The following HACL1 variants were observed in gnomAD, a reference collection of about 807,000 sequenced individuals.
The protein encoded by HACL1 is 1600020H07Rik.
HACL1 carries 64 observed loss-of-function variants against 74.2 expected under a neutral mutation model. The observed-to-expected ratio is 0.86, with a 90% CI of 0.70 to 1.06. HACL1 has a LOEUF of 1.06. Among genes scored for constraint, HACL1 ranks in the 50% least tolerant of loss-of-function variants. HACL1 has a pLI of 0.00. For synonymous variants in HACL1, 230 were observed against 238.8 expected (o/e 0.96, Z 0.34); for missense variants, 728 against 719.7 (o/e 1.01, Z -0.13).
At chr3:15,582,856 T>A (rs367904161) in intron 8 of HACL1, 21 bp downstream of exon 8, 10 of 1,222,156 alleles carry the variant, frequency 8.2e-6, no homozygotes, top group Non-Finnish European at 1.2e-5. Flanking sequence ...CTAGCAAGAT[T>A]TAGAGTTCTA....
chr3:15,578,788 G>A (rs2063669808), intron 9 of HACL1, among the ~76,000 whole-genome samples: 1 of 152,130 alleles, frequency 6.6e-6, no homozygotes, highest in African/African-American at 2.4e-5. Context: ...AAGAGTATGG[G>A]GACAATCCCC....
intron 3 of HACL1, among the ~76,000 whole-genome samples, chr3:15,592,203 T>TATATGTATACATACGTATATATGTAC (rs1559561169): frequency 6.0e-5 from 9 of 149,926 alleles, no homozygotes; most frequent in Non-Finnish European, 1.2e-4. Context: ...TATATATGTA[T>TATATGTATACATACGTATATATGTAC]ACATGCGTGT....
At chr3:15,565,638 G>A (rs2063421257) in intron 14 of HACL1, among the ~76,000 whole-genome samples, 1 of 152,220 alleles carries the variant, frequency 6.6e-6, no homozygotes, top group Non-Finnish European at 1.5e-5. Context: ...ACTGCATACT[G>A]TTAAATAACA....
chr3:15,588,339 A>T (rs150284870), intron 5 of HACL1, among the ~76,000 whole-genome samples: 6,845 of 152,212 alleles, frequency 0.045, 301 homozygotes, highest in Admixed American at 0.13. Flanking sequence ...CACGCCTGTA[A>T]TCCCAGTACT....
intron 15 of HACL1, among the ~76,000 whole-genome samples, chr3:15,563,989 C>A (rs1234680095): frequency 6.6e-6 from 1 of 152,120 alleles, no homozygotes; most frequent in African/African-American, 2.4e-5. Flanking sequence ...AAAAAGATTA[C>A]TGCAAAACAA....
In HACL1 at chr3:15,573,068, C is replaced by A; in HGVS notation, c.993+91G>T. The A allele has an allele frequency of 3.9e-6, 3 of 760,416 alleles. No homozygotes were observed. In the Admixed American group the frequency reaches 5.8e-5, roughly 15 times the overall value. The allele number at this position is 760,416 out of a possible 1,614,324, so 47.1% of individuals were successfully genotyped here. A position where few individuals can be genotyped will look rare whatever the true frequency, so the allele number is the denominator to read the frequency against. The stretch of plus-strand genomic sequence containing the variant: ...GTTTAAAACAGATATGAATAGTAGA[C>A]CCGTTACCAAGTGAATCAAGATTAA... On this transcript the variant is annotated intron_variant, in intron 11 of 16. Transcript: ENST00000321169.
chr3:15,590,272 T>A (rs2063867654), intron 4 of HACL1, among the ~76,000 whole-genome samples: 1 of 151,974 alleles, frequency 6.6e-6, no homozygotes, highest in Non-Finnish European at 1.5e-5. Flanking sequence ...CCTAAGTGAA[T>A]CTATTTAGAA....
chr3:15,595,618 T>C (rs1574948500), intron 3 of HACL1, among the ~76,000 whole-genome samples: 1 of 143,852 alleles, frequency 7.0e-6, no homozygotes, highest in East Asian at 2.0e-4. Flanking sequence ...TTTTTTTTTT[T>C]TTTTTTTTTG....
intron 12 of HACL1, among the ~76,000 whole-genome samples, chr3:15,568,810 G>A (rs150045532): frequency 1.5e-3 from 227 of 152,268 alleles, no homozygotes; most frequent in African/African-American, 5.3e-3. Context: ...AAATAAGCTC[G>A]GGAATATCCC....
Position 15,571,722 on chromosome 3 carries a change from G to A in HACL1, c.1041C>T (p.Ser347=). 1 of 1,541,374 alleles carries A rather than the reference G, an allele frequency of 6.5e-7. No homozygotes were observed. The highest frequency in any genetic ancestry group is 8.9e-7 in the Non-Finnish European group (1 of 1,123,280). ...TTTCTCTCAGAGTTTTCCACCACTTGCTCTCTGGAGGATACTGCCATGGTG... is the reference window on the plus strand; with the variant it reads ...TTTCTCTCAGAGTTTTCCACCACTTACTCTCTGGAGGATACTGCCATGGTG... ...DKTPWQYPPE[S]KWWKTLREKM... The change falls in exon 12 of 17, where the codon AGC becomes AGT. Residue 347 remains serine (S), a synonymous_variant. Transcript: ENST00000321169.
At chr3:15,568,638 A>T in intron 12 of HACL1, 52 bp from the exon 13 acceptor site, 1 of 996,534 alleles carries the variant, frequency 1.0e-6, no homozygotes, top group Non-Finnish European at 1.5e-6. Context: ...CAATGAAAAT[A>T]ACCAATGTTA....
At chr3:15,570,755 A>G (rs1574913520) in intron 12 of HACL1, among the ~76,000 whole-genome samples, 1 of 152,144 alleles carries the variant, frequency 6.6e-6, no homozygotes, top group Non-Finnish European at 1.5e-5. Context: ...CCAAAACCTT[A>G]GCTACCAGGC....
chr3:15,562,243 ACC>A (rs2063356579), intron 16 of HACL1, among the ~76,000 whole-genome samples: 1 of 152,040 alleles, frequency 6.6e-6, no homozygotes, highest in Non-Finnish European at 1.5e-5. Flanking sequence ...AAAGTGGCAG[ACC>A]CTCCCTTAAA....
intron 14 of HACL1, among the ~76,000 whole-genome samples, chr3:15,566,655 TG>T (rs953206986): frequency 2.7e-5 from 4 of 150,142 alleles, no homozygotes; most frequent in African/African-American, 9.8e-5. Context: ...GACCCCATCT[TG>T]AAAAAAAAAA....
In HACL1 at chr3:15,571,687, C is replaced by G. The variant is rs768304495; in HGVS notation, c.1076G>C (p.Ser359Thr). ...WWKTLREKMKSNEAASKELAS... is the reference protein window; with the variant it reads ...WWKTLREKMKTNEAASKELAS... ...TTTTACCTTGGATGCAGCTTCATTG[C>G]TCTTCATTTTTTCTCTCAGAGTTTT... Residue 359 changes from serine (S) to threonine (T), a missense_variant, in exon 12 of 17, where the codon AGC (serine) becomes ACC (threonine). Physicochemically the swap from Ser to Thr is moderately conservative, Grantham distance 58 (BLOSUM62 1). Coordinates refer to ENST00000321169, the MANE Select transcript of HACL1 (RefSeq NM_012260.4). 1 of 1,473,306 alleles carries G rather than the reference C, an allele frequency of 6.8e-7. No homozygotes were observed. The highest frequency in any genetic ancestry group is 2.3e-5 in the East Asian group (1 of 44,236). The allele number at this position is 1,473,306 out of a possible 1,614,324, so 91.3% of individuals were successfully genotyped here.
At chr3:15,591,707 A>C in intron 3 of HACL1, 27 bp from the exon 4 acceptor site, 8 of 1,473,782 alleles carry the variant, frequency 5.4e-6, no homozygotes, top group Non-Finnish European at 7.6e-6. Context: ...ATTTATTAAA[A>C]TCAGGTCAAA....
At chr3:15,560,974 C>T in intron 16 of HACL1, 77 bp from the exon 17 acceptor site, 2 of 1,126,820 alleles carry the variant, frequency 1.8e-6, no homozygotes, top group Non-Finnish European at 2.7e-6. Context: ...TTCACTTGTT[C>T]TAAAACCTAA....
At chr3:15,573,746 G>T (rs894520631) in intron 10 of HACL1, among the ~76,000 whole-genome samples, 1 of 152,186 alleles carries the variant, frequency 6.6e-6, no homozygotes, top group East Asian at 1.9e-4. Context: ...GTGCTGATGC[G>T]CCTGGCCCAG....
At position 15,571,832 on chromosome 3, in the gene HACL1, T is replaced by TTC. The variant is rs1461530887; in HGVS notation, c.994-64_994-63insGA. 9.1e-6 allele frequency: 3 copies of TTC among 330,182 alleles called. No individual in the cohort carries two copies. The African/African-American group carries it at 1.2e-4, about 13-fold the overall frequency. The allele number at this position is 330,182 out of a possible 1,614,324, so 20.5% of individuals were successfully genotyped here. A position where few individuals can be genotyped will look rare whatever the true frequency, so the allele number is the denominator to read the frequency against. Reference sequence around the variant, plus strand: ...ACTTTTTCTTTGCCTTTTTTTTCTTTTTTTTTTTTTTTTTTTTTTTTTTTT... The same window carrying TTC: ...ACTTTTTCTTTGCCTTTTTTTTCTTTTCTTTTTTTTTTTTTTTTTTTTTTTTT... On this transcript the variant is annotated intron_variant, in intron 11 of 16. Coordinates refer to ENST00000321169, the MANE Select transcript of HACL1 (RefSeq NM_012260.4).
Sources: gnomAD v4.1 joint callset for allele counts (sites outside exome capture counted in the v4.1 genomes callset) on GRCh38, gnomAD v4.1.1 for gene constraint, MANE v1.5 for transcripts, NCBI Gene and HGNC (gene_info 2026-07-23, HGNC 2026-07-21) for gene names.